The following SPAG4 variants were observed in gnomAD, a reference collection of about 807,000 sequenced individuals.
SPAG4 encodes the protein sperm-associated antigen 4 protein.
In SPAG4, 54 loss-of-function variants were observed where a neutral mutation model predicts 53.9. The observed-to-expected ratio is 1.00, with a 90% CI of 0.80 to 1.26. The LOEUF (loss-of-function observed/expected upper bound fraction) is 1.26. Ranked by LOEUF, SPAG4 falls within the 50% of genes most tolerant of loss-of-function variation. The probability of loss-of-function intolerance (pLI) is 0.00; values close to 1 mark genes in which losing one functional copy is unlikely to be tolerated. For synonymous variants in SPAG4, 246 were observed against 237.4 expected (o/e 1.04, Z -0.33); for missense variants, 548 against 568.6 (o/e 0.96, Z 0.37).
rs375034562 is a variant in SPAG4, at chr20:35,617,562, G to A, written c.452G>A (p.Gly151Glu). The A allele has an allele frequency of 3.1e-6, 5 of 1,605,764 alleles. No homozygotes were observed. The highest frequency in any genetic ancestry group is 4.3e-6 in the Non-Finnish European group (5 of 1,175,870). Reference protein sequence around the residue: ...QGLSVLLSLAGDVLVSMYREV... With the variant: ...QGLSVLLSLAEDVLVSMYREV... The stretch of plus-strand genomic sequence containing the variant: ...CTGAGCGTGTTGTTATCCCTGGCAG[G>A]AGACGTGCTGGTCAGCATGTACAGG... The change falls in exon 3 of 12, where the codon GGA becomes GAA. Residue 151 changes from glycine (G) to glutamate (E), a missense_variant. Physicochemically the swap from Gly to Glu is moderately conservative, Grantham distance 98 (BLOSUM62 -2). Transcript: ENST00000374273.
chr20:35,620,878 T>C lies in SPAG4; in HGVS notation c.1170T>C (p.Asn390=), dbSNP rs989457999. 6.2e-7 allele frequency: 1 copy of C among 1,614,104 alleles called. No homozygotes were observed. The highest frequency in any genetic ancestry group is 8.5e-7 in the Non-Finnish European group (1 of 1,179,962). Residue 390 remains asparagine, a splice_region_variant and synonymous_variant, in exon 12 of 12, where the codon AAT becomes AAC. Transcript: ENST00000374273. Reference sequence around the variant, plus strand: ...GCATGATCCATTTGTCTCCCCAGAATGACCCCCCAGCTGCCTTTCCCAAGG... The same window carrying C: ...GCATGATCCATTTGTCTCCCCAGAACGACCCCCCAGCTGCCTTTCCCAAGG... ...KSEIQTFHLQ[N]DPPAAFPKVK...
chr20:35,616,970 C>A, intron 1 of SPAG4, 166 bp from the exon 2 acceptor site: 1 of 602,478 alleles, frequency 1.7e-6, no homozygotes, highest in Non-Finnish European at 3.0e-6. Flanking sequence ...AGGGGCGGGG[C>A]TTCAGAGGGC....
chr20:35,618,584 C>G, intron 6 of SPAG4, 28 bp from the exon 7 acceptor site: 2 of 1,593,420 alleles, frequency 1.3e-6, no homozygotes, highest in East Asian at 2.3e-5. Flanking sequence ...AGGGAGCCAA[C>G]CCCACGGCGC....
chr20:35,618,550 C>A, intron 6 of SPAG4, 62 bp from the exon 7 acceptor site: 2 of 1,602,868 alleles, frequency 1.2e-6, no homozygotes, highest in South Asian at 2.2e-5. Flanking sequence ...GGCGTGGGGG[C>A]CTTTGGGAGG....
chr20:35,618,556 G>A lies in SPAG4; in HGVS notation c.609-56G>A, dbSNP rs1008758832. ...AACCTTGAAGGCGTGGGGGCCTTTG[G>A]GAGGTGTCCAGGGGGACAGGGAGCC... On this transcript the variant is annotated intron_variant, in intron 6 of 11. Coordinates refer to ENST00000374273, the MANE Select transcript of SPAG4 (RefSeq NM_003116.3). 3.1e-6 allele frequency: 5 copies of A among 1,600,710 alleles called. No individual in the cohort carries two copies. The African/African-American group carries it at 4.0e-5, about 13-fold the overall frequency.
At position 35,616,321 on chromosome 20, in the gene SPAG4, C is replaced by A. The variant is rs776750904; in HGVS notation, c.304+14C>A. ...GCGGGGCCTCGGGTGCGGGCGGGGT[C>A]GACCCCGGGTGAGCCAGTGGAGGGG... On this transcript the variant is annotated intron_variant, in intron 1 of 11. Transcript: ENST00000374273. 9.8e-6 allele frequency: 14 copies of A among 1,431,786 alleles called. No homozygotes were observed. Among genetic ancestry groups the A allele is most frequent in the South Asian group, 1.5e-5 (1 of 66,088 alleles). 88.7% of individuals were successfully genotyped at this position (1,431,786 alleles called of 1,614,324 possible). A position where few individuals can be genotyped will look rare whatever the true frequency, so the allele number is the denominator to read the frequency against.
At position 35,616,178 on chromosome 20, in the gene SPAG4, G is replaced by A; in HGVS notation, c.175G>A (p.Glu59Lys). Reference protein sequence around the residue: ...GRRARGPSCGEPALSAGVPGG... With the variant: ...GRRARGPSCGKPALSAGVPGG... ...AAGAGCCCGGGGCCCGAGCTGCGGT[G>A]AGCCCGCCTTGAGCGCGGGAGTGCC... Residue 59 changes from glutamate to lysine, a missense_variant, in exon 1 of 12, where the codon GAG (glutamate) becomes AAG (lysine). Coordinates refer to ENST00000374273, the MANE Select transcript of SPAG4 (RefSeq NM_003116.3). 1 of 1,594,308 alleles carries A rather than the reference G, an allele frequency of 6.3e-7. No homozygotes were observed. The highest frequency in any genetic ancestry group is 8.5e-7 in the Non-Finnish European group (1 of 1,171,708).
At position 35,619,221 on chromosome 20, in the gene SPAG4, T is replaced by A; in HGVS notation, c.820T>A (p.Ser274Thr). The A allele has an allele frequency of 6.2e-7, 1 of 1,607,716 alleles. No individual in the cohort carries two copies. Among genetic ancestry groups the A allele is most frequent in the Non-Finnish European group, 8.5e-7 (1 of 1,176,824 alleles). ...AGCCTCCATCGACCTGCAGAAGACA[T>A]CCCACGATTACGCAGACAGGAACAC... ...VGASIDLQKT[S>T]HDYADRNTAY... Residue 274 changes from serine to threonine, a missense_variant, in exon 9 of 12, where the codon TCC becomes ACC. By Grantham distance (58) the Ser-to-Thr change is moderately conservative. Transcript: ENST00000374273.
At chr20:35,616,513 T>G in intron 1 of SPAG4, 1 of 472,078 alleles carries the variant, frequency 2.1e-6, no homozygotes, top group Non-Finnish European at 2.8e-6. Context: ...GAAAATCTTG[T>G]GGTTGGGTGC....
intron 8 of SPAG4, 76 bp downstream of exon 8, chr20:35,619,074 C>G (rs967077325): frequency 8.1e-6 from 12 of 1,479,026 alleles, no homozygotes; most frequent in Non-Finnish European, 1.0e-5. Flanking sequence ...CAGACCCATG[C>G]ACCTGACCGG....
chr20:35,616,225 A>C lies in SPAG4; in HGVS notation c.222A>C (p.Gly74=), dbSNP rs1316342842. ...TGCCCGGAGGAACCACATGGGCAGG[A>C]AGCTCTCAGCAGAAGCCAGCGCCTC... is the stretch of plus-strand genomic sequence containing the variant. ...AGVPGGTTWA[G]SSQQKPAPRS... The change falls in exon 1 of 12, where the codon GGA becomes GGC. Residue 74 remains glycine, a synonymous_variant. Transcript: ENST00000374273. The C allele has an allele frequency of 6.4e-7, 1 of 1,571,380 alleles. No homozygotes were observed. Among genetic ancestry groups the C allele is most frequent in the South Asian group, 1.1e-5 (1 of 87,004 alleles).
At position 35,616,263 on chromosome 20, in the gene SPAG4, G is replaced by A. The variant is rs1420831141; in HGVS notation, c.260G>A (p.Trp87Ter). Residue 87 changes from tryptophan (W) to a stop codon, truncating the protein, a stop_gained, in exon 1 of 12, where the codon TGG (tryptophan) becomes TAG (stop). Coordinates refer to ENST00000374273, the MANE Select transcript of SPAG4 (RefSeq NM_003116.3). LOFTEE classifies it high-confidence loss of function. ...QQKPAPRSHNWQTACGAATVR... is the reference protein window; with the variant it reads ...QQKPAPRSHN Reference sequence around the variant, plus strand: ...AAGCCAGCGCCTCGGAGCCACAACTGGCAGACAGCCTGTGGCGCGGCAACC... The same window carrying A: ...AAGCCAGCGCCTCGGAGCCACAACTAGCAGACAGCCTGTGGCGCGGCAACC... 6.6e-7 allele frequency: 1 copy of A among 1,506,218 alleles called. No homozygotes were observed. 93.3% of individuals were successfully genotyped at this position (1,506,218 alleles called of 1,614,324 possible). A position where few individuals can be genotyped will look rare whatever the true frequency, so the allele number is the denominator to read the frequency against.
intron 10 of SPAG4, 62 bp from the exon 11 acceptor site, chr20:35,620,622 C>A (rs750663188): frequency 1.6e-5 from 6 of 371,302 alleles, no homozygotes; most frequent in Admixed American, 3.1e-5. Context: ...GTTTTCTTCT[C>A]CCCGCCCCCC....
chr20:35,617,375 C>A (rs1395315299), intron 2 of SPAG4, 135 bp downstream of exon 2: 1 of 960,330 alleles, frequency 1.0e-6, no homozygotes, highest in Non-Finnish European at 1.6e-6. Flanking sequence ...AGCCCCCATC[C>A]AATTATCCTA....
intron 3 of SPAG4, 90 bp from the exon 4 acceptor site, chr20:35,617,689 G>T: frequency 6.4e-7 from 1 of 1,563,752 alleles, no homozygotes; most frequent in Non-Finnish European, 8.8e-7. Flanking sequence ...ATCTGATTGA[G>T]TCATGTTGGC....
intron 10 of SPAG4, among the ~76,000 whole-genome samples, chr20:35,620,261 G>A (rs997151752): frequency 6.6e-6 from 1 of 152,146 alleles, no homozygotes; most frequent in African/African-American, 2.4e-5. Flanking sequence ...ATGAGCCACC[G>A]TGCCTGCTTT....
rs1023400636 is a variant in SPAG4, at chr20:35,615,847, C to G, written c.-157C>G. Reference sequence around the variant, plus strand: ...CTCCTCTGTGACGTCAGCAGCCGGCCGGGACACAGCGGGAGGGCAGGTGCG... The same window carrying G: ...CTCCTCTGTGACGTCAGCAGCCGGCGGGGACACAGCGGGAGGGCAGGTGCG... On this transcript the variant is annotated 5_prime_UTR_variant, in exon 1 of 12. Coordinates refer to ENST00000374273, the MANE Select transcript of SPAG4 (RefSeq NM_003116.3). 1 of 632,066 alleles carries G rather than the reference C, an allele frequency of 1.6e-6. No homozygotes were observed. Among genetic ancestry groups the G allele is most frequent in the African/African-American group, 2.0e-5 (1 of 50,696 alleles). 39.2% of individuals were successfully genotyped at this position (632,066 alleles called of 1,614,324 possible). A position where few individuals can be genotyped will look rare whatever the true frequency, so the allele number is the denominator to read the frequency against.
chr20:35,618,399 C>T (rs769581679), intron 5 of SPAG4, 51 bp from the exon 6 acceptor site: 3 of 1,611,750 alleles, frequency 1.9e-6, no homozygotes, highest in South Asian at 2.2e-5. Context: ...GAGGTAGGAG[C>T]AAGGACGACG....
intron 10 of SPAG4, 93 bp from the exon 11 acceptor site, chr20:35,620,591 A>G: frequency 1.2e-6 from 1 of 808,830 alleles, no homozygotes; most frequent in South Asian, 1.4e-5. Flanking sequence ...GCTATTGAAT[A>G]CACAGAAGAT....
Sources: allele counts gnomAD v4.1 joint callset (sites outside exome capture counted in the v4.1 genomes callset), GRCh38; gene constraint gnomAD v4.1.1; transcripts MANE v1.5; gene names NCBI Gene and HGNC (gene_info 2026-07-23, HGNC 2026-07-21).